Variants in RAB6A observed in about 807,000 individuals in gnomAD.
The protein encoded by RAB6A is ras-related protein Rab-6A.
In RAB6A, 8 loss-of-function variants were observed where a neutral mutation model predicts 32.3. The ratio of observed to expected loss-of-function variants is 0.25; its 90% CI spans 0.15 to 0.45. The LOEUF is 0.45. RAB6A is among the 20% of genes least tolerant of loss of function. The pLI, the probability that RAB6A is intolerant of heterozygous loss-of-function variation, is 1.00. For synonymous variants in RAB6A, 73 were observed against 82.1 expected, an observed-to-expected ratio of 0.89 and a Z score of 0.60; for missense variants, 104 against 249.4, an observed-to-expected ratio of 0.42 and a Z score of 3.93.
intron 6 of RAB6A, among the ~76,000 whole-genome samples, chr11:73,699,221 C>A (rs1432133447): frequency 1.3e-5 from 2 of 151,872 alleles, no homozygotes; most frequent in African/African-American, 4.8e-5. Context: ...TTCAATTAGT[C>A]AATAAACCTC....
chr11:73,753,728 C>CA (rs1481757269), intron 1 of RAB6A, among the ~76,000 whole-genome samples: 1 of 150,726 alleles, frequency 6.6e-6, no homozygotes, highest in East Asian at 2.0e-4. Flanking sequence ...AACAAAAAAA[C>CA]AAAAAAACTC....
chr11:73,757,756 T>C (rs185898772), intron 1 of RAB6A, among the ~76,000 whole-genome samples: 1 of 152,186 alleles, frequency 6.6e-6, no homozygotes, highest in Admixed American at 6.5e-5. Context: ...AAGTTTTAAG[T>C]GTTATTGTTA....
intron 6 of RAB6A, among the ~76,000 whole-genome samples, chr11:73,701,963 T>C (rs1216234208): frequency 6.6e-6 from 1 of 152,152 alleles, no homozygotes; most frequent in African/African-American, 2.4e-5. Context: ...GACAGTTCTT[T>C]ACATACAAAA....
At chr11:73,680,386 G>A (rs188552459) in intron 6 of RAB6A, among the ~76,000 whole-genome samples, 17 of 152,366 alleles carry the variant, frequency 1.1e-4, no homozygotes, top group Admixed American at 2.0e-4. Flanking sequence ...GCTGGACGCG[G>A]TGGCTCACGC....
At chr11:73,721,927 TTG>T (rs1328547176) in intron 2 of RAB6A, among the ~76,000 whole-genome samples, 1 of 152,188 alleles carries the variant, frequency 6.6e-6, no homozygotes, top group East Asian at 1.9e-4. Flanking sequence ...AAATAGAATT[TTG>T]TGTGTGTCAT....
chr11:73,698,849 A>ATTTTTTTTTTTTTT (rs555410867), intron 6 of RAB6A, among the ~76,000 whole-genome samples: 3 of 118,260 alleles, frequency 2.5e-5, no homozygotes, highest in Admixed American at 1.0e-4. Context: ...TTTTTTTGCG[A>ATTTTTTTTTTTTTT]TTTTTTTTTT....
At chr11:73,752,881 T>C (rs747827908) in intron 1 of RAB6A, among the ~76,000 whole-genome samples, 7 of 151,592 alleles carry the variant, frequency 4.6e-5, no homozygotes, top group Non-Finnish European at 8.8e-5. Context: ...GGAAGAAAGT[T>C]GAGAAAAATC....
At chr11:73,760,360 G>A (rs1024344873) in intron 1 of RAB6A, among the ~76,000 whole-genome samples, 5 of 152,092 alleles carry the variant, frequency 3.3e-5, no homozygotes, top group Admixed American at 1.3e-4. Context: ...CCGGGGAGTC[G>A]AGGATTGAAG....
chr11:73,760,627 C>A lies in RAB6A; in HGVS notation c.9G>T (p.Thr3=). The change falls in exon 1 of 8, where the codon ACG becomes ACT. Residue 3 remains threonine (T), a synonymous_variant. Transcript: ENST00000336083. The part of the protein sequence containing the change: MS[T]GGDFGNPLRK... ...TCAGCGGATTCCCGAAGTCTCCGCC[C>A]GTGGACATTGTGGAACTAGAGGAGC... 1 of 1,610,424 alleles carries A rather than the reference C, an allele frequency of 6.2e-7. No homozygotes were observed. Among genetic ancestry groups the A allele is most frequent in the Non-Finnish European group, 8.5e-7 (1 of 1,178,482 alleles).
At chr11:73,718,789 G>T (rs773549125) in intron 3 of RAB6A, 71 bp from the exon 4 acceptor site, 1 of 1,613,542 alleles carries the variant, frequency 6.2e-7, no homozygotes, top group Non-Finnish European at 8.5e-7. Context: ...ACCTACTTGT[G>T]ATATCGTAAA....
At chr11:73,711,820 A>T (rs1322545154) in intron 5 of RAB6A, among the ~76,000 whole-genome samples, 1 of 152,240 alleles carries the variant, frequency 6.6e-6, no homozygotes. Flanking sequence ...TGGCAGTCTG[A>T]ATCTGAGGCA....
intron 6 of RAB6A, among the ~76,000 whole-genome samples, chr11:73,688,018 A>G (rs1945487213): frequency 6.6e-6 from 1 of 152,160 alleles, no homozygotes; most frequent in Non-Finnish European, 1.5e-5. Context: ...GAGGCACCTT[A>G]TGCTGGTTTG....
chr11:73,685,477 C>T (rs546657303), intron 6 of RAB6A, among the ~76,000 whole-genome samples: 8 of 150,596 alleles, frequency 5.3e-5, no homozygotes, highest in Non-Finnish European at 7.4e-5. Context: ...TTAGTAGAGA[C>T]GGTGTTTCAC....
rs745820832 is a variant in RAB6A, at chr11:73,718,761, G to A, written c.184-43C>T. On this transcript the variant is annotated intron_variant, in intron 3 of 7. Transcript: ENST00000336083. ...CAAACAAGCAAGAAAAATAAGAAAGGTCAACCCGTTGCAATATACCTACTT... is the reference window on the plus strand; with the variant it reads ...CAAACAAGCAAGAAAAATAAGAAAGATCAACCCGTTGCAATATACCTACTT... 3.4e-5 allele frequency: 55 copies of A among 1,613,646 alleles called. 1 individual carries two copies. In the Middle Eastern group the frequency reaches 8.2e-4, roughly 24 times the overall value.
intron 1 of RAB6A, chr11:73,760,199 A>G: frequency 1.0e-6 from 1 of 984,650 alleles, no homozygotes; most frequent in East Asian, 5.2e-5. Flanking sequence ...GGAAAAGAGC[A>G]AGGAATAAGG....
At chr11:73,703,549 C>T (rs992911847) in intron 6 of RAB6A, among the ~76,000 whole-genome samples, 5 of 151,766 alleles carry the variant, frequency 3.3e-5, no homozygotes, top group African/African-American at 1.2e-4. Flanking sequence ...TCAGACCAGC[C>T]TGGCCAACGT....
intron 3 of RAB6A, chr11:73,718,932 C>T (rs776042265): frequency 1.4e-6 from 2 of 1,412,802 alleles, no homozygotes; most frequent in Non-Finnish European, 1.9e-6. Context: ...AAAAACCAAA[C>T]TAATACTAAA....
chr11:73,722,368 G>GA (rs1299898303), intron 2 of RAB6A: 1 of 60,258 alleles, frequency 1.7e-5, no homozygotes, highest in East Asian at 4.5e-4. Context: ...TTTTTTTTTT[G>GA]AGACAGTCTC....
intron 6 of RAB6A, among the ~76,000 whole-genome samples, chr11:73,681,494 G>C (rs1945355923): frequency 6.6e-6 from 1 of 152,180 alleles, no homozygotes; most frequent in Non-Finnish European, 1.5e-5. Context: ...AGAGATAAGA[G>C]ACTGGAACTA....
Sources: allele counts gnomAD v4.1 joint callset (sites outside exome capture counted in the v4.1 genomes callset), GRCh38; gene constraint gnomAD v4.1.1; transcripts MANE v1.5; gene names NCBI Gene and HGNC (gene_info 2026-07-23, HGNC 2026-07-21).